DLGAP2: variants seen among roughly 807,000 people sequenced by gnomAD.
The protein encoded by DLGAP2 is disks large-associated protein 2.
In DLGAP2, 26 loss-of-function variants were observed where a neutral mutation model predicts 100.3. The ratio of observed to expected loss-of-function variants is 0.26; its 90% CI spans 0.19 to 0.36. DLGAP2 has a LOEUF of 0.36. Ranked by LOEUF, DLGAP2 falls within the 10% of genes least tolerant of loss-of-function variation. The probability of loss-of-function intolerance (pLI) is 1.00; values close to 1 mark genes in which losing one functional copy is unlikely to be tolerated. For synonymous variants in DLGAP2, 886 were observed against 630.1 expected, an observed-to-expected ratio of 1.41 and a Z score of -6.08; for missense variants, 1,858 against 1,453.2, an observed-to-expected ratio of 1.28 and a Z score of -4.53.
chr8:1,141,262 C>T (rs7839167), intron 2 of DLGAP2, among the ~76,000 whole-genome samples: 32,516 of 152,056 alleles, frequency 0.21, 3,641 homozygotes, highest in Middle Eastern at 0.35. Context: ...TTCAACTGAG[C>T]GTTGAAAGTT....
At chr8:808,757 G>A (rs1219043200) in intron 1 of DLGAP2, among the ~76,000 whole-genome samples, 2 of 152,164 alleles carry the variant, frequency 1.3e-5, no homozygotes. Context: ...CTTGTGGGAG[G>A]CACCCACCCT....
intron 3 of DLGAP2, among the ~76,000 whole-genome samples, chr8:1,293,681 G>C (rs1800108432): frequency 6.6e-6 from 1 of 152,270 alleles, no homozygotes; most frequent in African/African-American, 2.4e-5. Flanking sequence ...TCAGAAGTCA[G>C]AGGAACAGTG....
chr8:762,299 G>A (rs112717008), intron 1 of DLGAP2, among the ~76,000 whole-genome samples: 10 of 152,316 alleles, frequency 6.6e-5, no homozygotes, highest in Non-Finnish European at 1.3e-4. Flanking sequence ...GAATATCTTT[G>A]TCAAACTCTT....
chr8:990,231 C>T (rs2654028), intron 2 of DLGAP2, among the ~76,000 whole-genome samples: 2,942 of 151,970 alleles, frequency 0.019, 74 homozygotes, highest in African/African-American at 0.059. Flanking sequence ...ATATTTGTGT[C>T]GTGATGTTGC....
chr8:1,548,907 C>G lies in DLGAP2; in HGVS notation c.454C>G (p.Leu152Val), dbSNP rs764028303. The change falls in exon 5 of 15, where the codon CTG becomes GTG. Residue 152 changes from leucine to valine, a missense_variant. Leu to Val is a conservative substitution (Grantham distance 32). Transcript: ENST00000637795. ...HSECVMMPVV[L>V]GDHVSSSTFP... Reference sequence around the variant, plus strand: ...GGAGTGCGTGATGATGCCGGTGGTGCTGGGCGACCACGTGTCCAGCAGCAC... The same window carrying G: ...GGAGTGCGTGATGATGCCGGTGGTGGTGGGCGACCACGTGTCCAGCAGCAC... 18 of 1,597,894 alleles carry G rather than the reference C, an allele frequency of 1.1e-5. No homozygotes were observed. Among genetic ancestry groups the G allele is most frequent in the East Asian group, 2.2e-5 (1 of 44,798 alleles).
At chr8:1,322,054 G>A (rs1800913683) in intron 3 of DLGAP2, among the ~76,000 whole-genome samples, 1 of 152,008 alleles carries the variant, frequency 6.6e-6, no homozygotes, top group African/African-American at 2.4e-5. Context: ...TTTTGTAAGT[G>A]AGCCAACAGA....
At chr8:1,435,452 C>T (rs1396859938) in intron 3 of DLGAP2, among the ~76,000 whole-genome samples, 7 of 152,102 alleles carry the variant, frequency 4.6e-5, no homozygotes, top group Admixed American at 4.6e-4. Flanking sequence ...GACCTCATAG[C>T]CGTCACAATG....
chr8:1,004,077 A>T (rs1801038799), intron 2 of DLGAP2, among the ~76,000 whole-genome samples: 1 of 152,134 alleles, frequency 6.6e-6, no homozygotes. Flanking sequence ...TGACATTTGG[A>T]TTGTTTCCGA....
At chr8:822,459 T>G (rs1426973113) in intron 1 of DLGAP2, among the ~76,000 whole-genome samples, 2 of 152,350 alleles carry the variant, frequency 1.3e-5, no homozygotes, top group East Asian at 1.9e-4. Context: ...AACAGAGCTG[T>G]GTTTAAAAAC....
chr8:1,067,907 A>T (rs1467249809), intron 2 of DLGAP2, among the ~76,000 whole-genome samples: 1 of 152,014 alleles, frequency 6.6e-6, no homozygotes, highest in African/African-American at 2.4e-5. Flanking sequence ...CCATTACAGC[A>T]GCCCACAGAG....
At chr8:1,276,219 G>C (rs971713302) in intron 3 of DLGAP2, among the ~76,000 whole-genome samples, 1 of 149,512 alleles carries the variant, frequency 6.7e-6, no homozygotes, top group Admixed American at 6.8e-5. Flanking sequence ...CTCCCCCCCC[G>C]ACCCTAGCTC....
At chr8:1,572,153 A>T (rs1802736293) in intron 6 of DLGAP2, among the ~76,000 whole-genome samples, 1 of 116,838 alleles carries the variant, frequency 8.6e-6, no homozygotes, top group Non-Finnish European at 1.7e-5. Flanking sequence ...GATGGAGAGG[A>T]GAGAGGGTGA....
chr8:1,469,423 C>A (rs559630067), intron 3 of DLGAP2, among the ~76,000 whole-genome samples: 3 of 152,192 alleles, frequency 2.0e-5, no homozygotes, highest in African/African-American at 7.2e-5. Context: ...CTCCATGTGG[C>A]CACCAAGGGC....
At chr8:1,585,125 C>T (rs1432677686) in intron 6 of DLGAP2, among the ~76,000 whole-genome samples, 1 of 151,966 alleles carries the variant, frequency 6.6e-6, no homozygotes, top group Non-Finnish European at 1.5e-5. Context: ...TCATGAAGAC[C>T]TTAGTTAAGA....
chr8:1,582,132 G>A (rs1465300882), intron 6 of DLGAP2, among the ~76,000 whole-genome samples: 1 of 139,814 alleles, frequency 7.2e-6, no homozygotes, highest in African/African-American at 2.7e-5. Context: ...GAAGGATACA[G>A]ATAAAACCCC....
At chr8:1,697,031 A>G (rs894519350) in intron 13 of DLGAP2, 116 bp from the exon 14 acceptor site, 4 of 1,132,948 alleles carry the variant, frequency 3.5e-6, no homozygotes, top group Non-Finnish European at 3.5e-6. Flanking sequence ...GGCTGGAATT[A>G]GCCAGGCTTC....
intron 1 of DLGAP2, among the ~76,000 whole-genome samples, chr8:850,340 C>T (rs999638481): frequency 6.6e-6 from 1 of 152,106 alleles, no homozygotes; most frequent in Admixed American, 6.5e-5. Context: ...CCTGTTGCTA[C>T]AAGTTAAAAG....
intron 1 of DLGAP2, among the ~76,000 whole-genome samples, chr8:742,123 C>G (rs943528293): frequency 6.6e-6 from 1 of 152,236 alleles, no homozygotes; most frequent in South Asian, 2.1e-4. Flanking sequence ...CCCTGACAAG[C>G]AAATGGGATG....
At chr8:1,490,402 G>A (rs1455389577) in intron 3 of DLGAP2, among the ~76,000 whole-genome samples, 2 of 152,220 alleles carry the variant, frequency 1.3e-5, no homozygotes, top group African/African-American at 4.8e-5. Flanking sequence ...CAATACGTCA[G>A]CTAAAGAAGT....
Sources: allele counts gnomAD v4.1 joint callset (sites outside exome capture counted in the v4.1 genomes callset), GRCh38; gene constraint gnomAD v4.1.1; transcripts MANE v1.5; gene names NCBI Gene and HGNC (gene_info 2026-07-23, HGNC 2026-07-21).